Variants in SAXO1 observed in about 807,000 individuals in gnomAD.
SAXO1 encodes stabilizer of axonemal microtubules 1, also known as 4930500O09Rik.
In SAXO1, 21 loss-of-function variants were observed where a neutral mutation model predicts 17.5. That is an observed-to-expected ratio of 1.20 (90% CI 0.85 to 1.72). The LOEUF (loss-of-function observed/expected upper bound fraction) is 1.72. SAXO1 is among the 40% of genes most tolerant of loss of function. The pLI, the probability that SAXO1 is intolerant of heterozygous loss-of-function variation, is 0.00. For missense variants in SAXO1, 843 were observed against 596.0 expected, an observed-to-expected ratio of 1.41 and a Z score of -4.32; for synonymous variants, 274 against 216.5, an observed-to-expected ratio of 1.27 and a Z score of -2.33.
intron 1 of SAXO1, among the ~76,000 whole-genome samples, chr9:19,002,877 T>C (rs1315677551): frequency 6.6e-6 from 1 of 152,210 alleles, no homozygotes; most frequent in Non-Finnish European, 1.5e-5. Flanking sequence ...CAGCATAGTA[T>C]TGGAAGTTCT....
At chr9:19,048,119 G>T (rs1384072198) in intron 1 of SAXO1, among the ~76,000 whole-genome samples, 3 of 152,120 alleles carry the variant, frequency 2.0e-5, no homozygotes, top group Non-Finnish European at 2.9e-5. Context: ...AATATTTTTT[G>T]AATAAATGAA....
At chr9:19,048,601 G>T (rs1343816666) in intron 1 of SAXO1, among the ~76,000 whole-genome samples, 1 of 152,154 alleles carries the variant, frequency 6.6e-6, no homozygotes, top group Non-Finnish European at 1.5e-5. Flanking sequence ...GCTTTGAGAG[G>T]GGCACAGGGT....
At chr9:19,031,049 C>T (rs1435975815) in intron 1 of SAXO1, among the ~76,000 whole-genome samples, 1 of 152,182 alleles carries the variant, frequency 6.6e-6, no homozygotes, top group Non-Finnish European at 1.5e-5. Flanking sequence ...TTTGCAGGGA[C>T]AGAATGAGAA....
rs1283891147 is a variant in SAXO1 at position 19,047,226 on chromosome 9, T to C, written c.-158+1983A>G. ...AACAAAAATAAAACTTAGCCAGGCA[T>C]GGTGGTGGAGGCCTGTAGTCCCAGC... On this transcript the variant is annotated intron_variant, in intron 1 of 3. Transcript: ENST00000542071. Among the ~76,000 whole-genome samples the C allele has an allele frequency of 2.2e-4, 34 of 151,806 alleles. 1 individual carries two copies. Among genetic ancestry groups the C allele is most frequent in the Admixed American group, 2.2e-3 (34 of 15,246 alleles).
At chr9:18,988,359 T>C (rs933242929) in intron 1 of SAXO1, among the ~76,000 whole-genome samples, 1 of 152,218 alleles carries the variant, frequency 6.6e-6, no homozygotes, top group Non-Finnish European at 1.5e-5. Context: ...AAAGCATCCA[T>C]TCAAATTTCC....
At chr9:18,931,530 G>C (rs778200369) in intron 3 of SAXO1, among the ~76,000 whole-genome samples, 2 of 152,190 alleles carry the variant, frequency 1.3e-5, no homozygotes, top group Non-Finnish European at 2.9e-5. Flanking sequence ...AGATAATAAA[G>C]TGAAATTGCT....
At chr9:19,014,194 C>T (rs2130997178) in intron 1 of SAXO1, among the ~76,000 whole-genome samples, 1 of 152,076 alleles carries the variant, frequency 6.6e-6, no homozygotes, top group Middle Eastern at 3.4e-3. Context: ...GGTACGGTGG[C>T]TCACACCTGT....
chr9:19,028,189 T>C, intron 1 of SAXO1: 1 of 1,248,426 alleles, frequency 8.0e-7, no homozygotes, highest in Non-Finnish European at 1.1e-6. Flanking sequence ...AAAGATGGTT[T>C]AGAGGCAAAA....
intron 1 of SAXO1, among the ~76,000 whole-genome samples, chr9:18,980,935 C>T (rs1245098005): frequency 3.9e-5 from 6 of 152,088 alleles, no homozygotes; most frequent in Non-Finnish European, 8.8e-5. Flanking sequence ...GGGAGATTTT[C>T]ACCTTTAAAA....
intron 1 of SAXO1, among the ~76,000 whole-genome samples, chr9:18,995,065 C>T (rs191820950): frequency 9.8e-4 from 150 of 152,294 alleles, no homozygotes; most frequent in Middle Eastern, 3.4e-3. Context: ...TAAAATGTCA[C>T]ACTTCTACTA....
intron 1 of SAXO1, among the ~76,000 whole-genome samples, chr9:18,972,575 T>G (rs893960555): frequency 6.6e-6 from 1 of 152,138 alleles, no homozygotes; most frequent in African/African-American, 2.4e-5. Context: ...ACTCAAAACC[T>G]GAGGTTGTGA....
chr9:18,999,020 AC>A (rs1471570479), intron 1 of SAXO1, among the ~76,000 whole-genome samples: 1 of 152,248 alleles, frequency 6.6e-6, no homozygotes, highest in Non-Finnish European at 1.5e-5. Flanking sequence ...GGTAAAGACC[AC>A]TGATGCTATG....
chr9:18,942,432 AC>A (rs1365499261), intron 2 of SAXO1, among the ~76,000 whole-genome samples: 1 of 151,464 alleles, frequency 6.6e-6, no homozygotes, highest in African/African-American at 2.4e-5. Context: ...CCTTCCTTCC[AC>A]CCAACCCCTT....
At chr9:19,032,665 G>A (rs543708451) in intron 1 of SAXO1, among the ~76,000 whole-genome samples, 2 of 152,320 alleles carry the variant, frequency 1.3e-5, no homozygotes, top group South Asian at 2.1e-4. Flanking sequence ...AAGCGGCACA[G>A]AAGGCCCGAA....
chr9:18,996,152 G>A (rs535326404), intron 1 of SAXO1, among the ~76,000 whole-genome samples: 19 of 151,552 alleles, frequency 1.3e-4, no homozygotes, highest in Non-Finnish European at 2.6e-4. Flanking sequence ...ATCATTTAAT[G>A]AATCCCCAAA....
intron 1 of SAXO1, among the ~76,000 whole-genome samples, chr9:18,956,472 C>T (rs970435789): frequency 5.3e-5 from 8 of 152,078 alleles, no homozygotes; most frequent in African/African-American, 1.7e-4. Flanking sequence ...CTCCACCAGT[C>T]TTCTGGATCC....
chr9:19,003,821 G>T (rs529094073), intron 1 of SAXO1, among the ~76,000 whole-genome samples: 1 of 152,236 alleles, frequency 6.6e-6, no homozygotes, highest in Admixed American at 6.5e-5. Flanking sequence ...TATCATTCAG[G>T]ACATAGGCAA....
intron 3 of SAXO1, among the ~76,000 whole-genome samples, chr9:18,935,848 G>T (rs1400292526): frequency 6.6e-6 from 1 of 152,100 alleles, no homozygotes; most frequent in African/African-American, 2.4e-5. Context: ...ATCAAGTCAG[G>T]CCCCACTGAC....
rs181742011 is a variant in SAXO1, at chr9:18,931,410, T to C, written c.422-2355A>G. On this transcript the variant is annotated intron_variant, in intron 3 of 3. Transcript: ENST00000380534. ...CCAAATTTTGTTTATCATTCACCAA[T>C]TGATGGACATTTTGAGTTGTTTCTA... Among the ~76,000 whole-genome samples the C allele has an allele frequency of 8.4e-3, 1,276 of 152,336 alleles. 18 individuals are homozygous for C. The highest frequency in any genetic ancestry group is 0.031 in the Middle Eastern group (9 of 294).
Sources: gnomAD v4.1 joint callset for allele counts (sites outside exome capture counted in the v4.1 genomes callset) on GRCh38, gnomAD v4.1.1 for gene constraint, MANE v1.5 for transcripts, NCBI Gene and HGNC (gene_info 2026-07-23, HGNC 2026-07-21) for gene names.